Variants in MRPS6 observed in about 807,000 individuals in gnomAD.
MRPS6 encodes mitochondrial ribosomal protein S6, also known as small ribosomal subunit protein bS6m.
Under a neutral mutation model 13.1 loss-of-function variants are expected in MRPS6, and 6 were observed. That is an observed-to-expected ratio of 0.46 (90% CI 0.25 to 0.91). The LOEUF (loss-of-function observed/expected upper bound fraction) is 0.91, where lower values mean the gene tolerates loss of function less well. Ranked by LOEUF, MRPS6 falls within the 40% of genes least tolerant of loss-of-function variation. The probability of loss-of-function intolerance (pLI) is 0.18; values close to 1 mark genes in which losing one functional copy is unlikely to be tolerated. For missense variants in MRPS6, 164 were observed against 155.6 expected (o/e 1.05, Z -0.29); for synonymous variants, 61 against 56.5 (o/e 1.08, Z -0.36).
At chr21:34,099,466 T>A in intron 1 of MRPS6, 1 of 1,000,088 alleles carries the variant, frequency 1.0e-6, no homozygotes, top group Non-Finnish European at 1.2e-6. Flanking sequence ...GATCTTGGAT[T>A]TTTCAAATTA....
intron 1 of MRPS6, among the ~76,000 whole-genome samples, chr21:34,118,296 G>A (rs941158585): frequency 1.3e-5 from 2 of 151,966 alleles, no homozygotes; most frequent in Non-Finnish European, 2.9e-5. Flanking sequence ...TATGTTATGT[G>A]TATTATATAC....
chr21:34,108,736 G>A (rs1235464168), intron 1 of MRPS6, among the ~76,000 whole-genome samples: 1 of 152,200 alleles, frequency 6.6e-6, no homozygotes, highest in African/African-American at 2.4e-5. Flanking sequence ...TTGGCTGAAT[G>A]TAGAATTCTG....
intron 2 of MRPS6, among the ~76,000 whole-genome samples, chr21:34,136,526 T>A (rs1980710908): frequency 6.6e-6 from 1 of 152,246 alleles, no homozygotes. Flanking sequence ...AGTAGGTATC[T>A]CTTTGTGGTT....
At chr21:34,100,158 G>T (rs558684465) in intron 1 of MRPS6, 1 of 999,894 alleles carries the variant, frequency 1.0e-6, no homozygotes, top group African/African-American at 1.7e-5. Flanking sequence ...AAAATGAGGT[G>T]AGGACACTGG....
At chr21:34,097,491 C>G (rs1476970133) in intron 1 of MRPS6, 1 of 1,431,034 alleles carries the variant, frequency 7.0e-7, no homozygotes, top group East Asian at 2.5e-5. Context: ...AGAAAATCAT[C>G]TAATTACAAG....
intron 2 of MRPS6, among the ~76,000 whole-genome samples, chr21:34,129,182 G>A (rs1042609387): frequency 6.6e-6 from 1 of 152,118 alleles, no homozygotes; most frequent in South Asian, 2.1e-4. Context: ...CTATAAAGGG[G>A]CAGGCATCTT....
chr21:34,111,822 TTCCA>T (rs571700889), intron 1 of MRPS6, among the ~76,000 whole-genome samples: 169 of 151,782 alleles, frequency 1.1e-3, no homozygotes, highest in African/African-American at 3.7e-3. Context: ...CTTTCCAGCT[TTCCA>T]TGGCTTTTCA....
intron 2 of MRPS6, among the ~76,000 whole-genome samples, chr21:34,142,004 G>T (rs1473041584): frequency 6.6e-6 from 1 of 152,144 alleles, no homozygotes; most frequent in East Asian, 1.9e-4. Flanking sequence ...TGAAAAGTTA[G>T]AAGAGTATCT....
intron 1 of MRPS6, 148 bp from the exon 2 acceptor site, chr21:34,125,193 T>C: frequency 2.4e-6 from 3 of 1,242,802 alleles, no homozygotes; most frequent in South Asian, 1.7e-5. Context: ...TTATTTTAAG[T>C]TAACCAAAAC....
intron 2 of MRPS6, among the ~76,000 whole-genome samples, chr21:34,141,646 C>A (rs761082077): frequency 2.6e-4 from 39 of 152,166 alleles, no homozygotes; most frequent in Non-Finnish European, 5.1e-4. Context: ...CCTTTAGTCA[C>A]ATAATGGTCC....
chr21:34,118,773 C>G (rs1343959681), intron 1 of MRPS6, among the ~76,000 whole-genome samples: 3 of 152,044 alleles, frequency 2.0e-5, no homozygotes, highest in Admixed American at 2.0e-4. Flanking sequence ...CCTTGGCATC[C>G]CAAAGTGCTG....
At chr21:34,137,543 A>G (rs1339897856) in intron 2 of MRPS6, among the ~76,000 whole-genome samples, 1 of 152,214 alleles carries the variant, frequency 6.6e-6, no homozygotes, top group Non-Finnish European at 1.5e-5. Flanking sequence ...ATATGCAAAT[A>G]AGACAGTCTC....
intron 1 of MRPS6, among the ~76,000 whole-genome samples, chr21:34,121,957 C>T (rs1204291911): frequency 6.6e-6 from 1 of 152,086 alleles, no homozygotes; most frequent in Non-Finnish European, 1.5e-5. Flanking sequence ...TGATGGTATT[C>T]GTTAGATGGT....
rs549699247 is a variant in MRPS6 at position 34,105,543 on chromosome 21, G to A, written c.46-19798G>A. On this transcript the variant is annotated intron_variant, in intron 1 of 2. Coordinates refer to ENST00000399312, the MANE Select transcript of MRPS6 (RefSeq NM_032476.4). ...TACATTGAAACATGTTCTTCCCAGT[G>A]TCCTGCTTATGATGCTTTGTTCAGA... The A allele has an allele frequency of 2.7e-5, 27 of 999,666 alleles. No homozygotes were observed. In the East Asian group the frequency reaches 3.0e-3, roughly 109 times the overall value. The allele number at this position is 999,666 out of a possible 1,614,324, so 61.9% of individuals were successfully genotyped here.
intron 1 of MRPS6, among the ~76,000 whole-genome samples, chr21:34,119,381 A>G (rs1980042815): frequency 6.6e-6 from 1 of 152,240 alleles, no homozygotes; most frequent in African/African-American, 2.4e-5. Context: ...TGCAGAATTC[A>G]CAGGGACAGC....
intron 1 of MRPS6, chr21:34,105,769 A>G: frequency 1.0e-6 from 1 of 995,744 alleles, no homozygotes; most frequent in African/African-American, 1.7e-5. Flanking sequence ...GGTTTGACTA[A>G]TTGTATCCAT....
chr21:34,096,889 C>G lies in MRPS6; in HGVS notation c.45+23144C>G. ...GAGAACTGCTCCCCAAAAGAGGAAC[C>G]ATACAAAATGCAAGAAAAGAGCATT... On this transcript the variant is annotated intron_variant, in intron 1 of 2. Coordinates refer to ENST00000399312, the MANE Select transcript of MRPS6 (RefSeq NM_032476.4). The surrounding 1 kb of genome is among the most constrained non-coding windows in gnomAD (Gnocchi z 5.9). The G allele has an allele frequency of 1.9e-6, 3 of 1,614,066 alleles. No individual in the cohort carries two copies. The South Asian group carries it at 3.3e-5, about 18-fold the overall frequency.
chr21:34,110,365 A>G (rs1471166479), intron 1 of MRPS6, among the ~76,000 whole-genome samples: 2 of 152,110 alleles, frequency 1.3e-5, no homozygotes, highest in South Asian at 2.1e-4. Flanking sequence ...TCAAGAGGCC[A>G]GCTACTCAAG....
intron 1 of MRPS6, among the ~76,000 whole-genome samples, chr21:34,119,550 C>G (rs1261433001): frequency 6.6e-6 from 1 of 152,172 alleles, no homozygotes; most frequent in Non-Finnish European, 1.5e-5. Context: ...CCTGCCTGCT[C>G]TTGAGTGTTG....
Sources: gnomAD v4.1 joint callset for allele counts (sites outside exome capture counted in the v4.1 genomes callset) on GRCh38, gnomAD v4.1.1 for gene constraint, Gnocchi (gnomAD v3.1) non-coding constraint, MANE v1.5 for transcripts, NCBI Gene and HGNC (gene_info 2026-07-23, HGNC 2026-07-21) for gene names.